Variants in METTL24 observed in about 807,000 individuals in gnomAD.
The protein encoded by METTL24 is probable methyltransferase-like protein 24.
A neutral mutation model predicts 32.7 loss-of-function variants in METTL24; 29 were observed. The ratio of observed to expected loss-of-function variants is 0.89; its 90% CI spans 0.66 to 1.21. METTL24 has a LOEUF of 1.21. Among genes scored for constraint, METTL24 ranks in the 50% most tolerant of loss-of-function variants. The pLI is 0.00. For missense variants in METTL24, 439 were observed against 468.1 expected (o/e 0.94, Z 0.57); for synonymous variants, 163 against 179.5 (o/e 0.91, Z 0.73).
At chr6:110,324,300 G>T (rs1771981910) in intron 1 of METTL24, among the ~76,000 whole-genome samples, 1 of 152,128 alleles carries the variant, frequency 6.6e-6, no homozygotes, top group Non-Finnish European at 1.5e-5. Flanking sequence ...CTACCCTTGT[G>T]GGGGCTGAGC....
At chr6:110,351,549 G>A (rs1238434751) in intron 1 of METTL24, among the ~76,000 whole-genome samples, 3 of 152,176 alleles carry the variant, frequency 2.0e-5, no homozygotes, top group African/African-American at 7.2e-5. Context: ...CCAAGGGTTG[G>A]TTGAAATAAT....
intron 4 of METTL24, among the ~76,000 whole-genome samples, chr6:110,258,554 C>T (rs1426410380): frequency 6.6e-6 from 1 of 151,928 alleles, no homozygotes; most frequent in Non-Finnish European, 1.5e-5. Context: ...TATGGACAAA[C>T]AGACCAGATG....
At chr6:110,259,193 G>C (rs1288574868) in intron 4 of METTL24, among the ~76,000 whole-genome samples, 1 of 152,152 alleles carries the variant, frequency 6.6e-6, no homozygotes, top group East Asian at 1.9e-4. Context: ...GAAGCACAAG[G>C]GGTCAGGGAA....
intron 1 of METTL24, among the ~76,000 whole-genome samples, chr6:110,337,704 T>C (rs1160805603): frequency 3.3e-5 from 5 of 152,210 alleles, no homozygotes; most frequent in Non-Finnish European, 7.3e-5. Context: ...CCTAACATAC[T>C]TTTCCTCCTG....
intron 4 of METTL24, among the ~76,000 whole-genome samples, chr6:110,273,915 GATGCACACATACATTTATAGCAGC>G (rs1196134810): frequency 6.6e-6 from 1 of 151,916 alleles, no homozygotes; most frequent in African/African-American, 2.4e-5. Flanking sequence ...GAAAAAGACA[GATGCACACATACATTTATAGCAGC>G]ACAATTCGCA....
chr6:110,348,221 A>T (rs1772519738), intron 1 of METTL24, among the ~76,000 whole-genome samples: 1 of 152,230 alleles, frequency 6.6e-6, no homozygotes, highest in Admixed American at 6.5e-5. Context: ...AAGTATTAGT[A>T]ACTTTTTTTC....
intron 4 of METTL24, among the ~76,000 whole-genome samples, chr6:110,286,208 C>A (rs1771218013): frequency 6.6e-6 from 1 of 152,246 alleles, no homozygotes. Context: ...TCCTGACCCC[C>A]GTCTTGTTTC....
intron 4 of METTL24, among the ~76,000 whole-genome samples, chr6:110,293,273 G>A (rs1309433791): frequency 1.3e-5 from 2 of 151,966 alleles, no homozygotes; most frequent in African/African-American, 2.4e-5. Flanking sequence ...GTCTTTGAGT[G>A]GCTAAGTTTT....
intron 4 of METTL24, among the ~76,000 whole-genome samples, chr6:110,297,474 G>C (rs1025095077): frequency 3.9e-5 from 6 of 152,114 alleles, no homozygotes; most frequent in Non-Finnish European, 4.4e-5. Context: ...TTTGAAGAGT[G>C]GTGCTGGAGA....
intron 4 of METTL24, among the ~76,000 whole-genome samples, chr6:110,252,290 T>A (rs879409650): frequency 6.6e-6 from 1 of 152,328 alleles, no homozygotes; most frequent in South Asian, 2.1e-4. Flanking sequence ...AAACCCAAGA[T>A]CAACGTGTCA....
chr6:110,315,880 G>A (rs143406862), intron 2 of METTL24, among the ~76,000 whole-genome samples: 173 of 152,280 alleles, frequency 1.1e-3, no homozygotes, highest in African/African-American at 4.0e-3. Flanking sequence ...ACAGAGAACA[G>A]TGCTCACCAT....
intron 2 of METTL24, among the ~76,000 whole-genome samples, chr6:110,321,764 A>C (rs1419313861): frequency 6.6e-6 from 1 of 152,224 alleles, no homozygotes; most frequent in African/African-American, 2.4e-5. Flanking sequence ...GTCTCACTGC[A>C]TTATATGATA....
At chr6:110,339,703 G>T (rs889159011) in intron 1 of METTL24, among the ~76,000 whole-genome samples, 1 of 152,182 alleles carries the variant, frequency 6.6e-6, no homozygotes, top group African/African-American at 2.4e-5. Flanking sequence ...AAAATAGATG[G>T]TCTATGTATA....
At chr6:110,325,994 G>C (rs1036429057) in intron 1 of METTL24, among the ~76,000 whole-genome samples, 2 of 152,200 alleles carry the variant, frequency 1.3e-5, no homozygotes, top group African/African-American at 4.8e-5. Context: ...TCAAAGGCGA[G>C]TTCTCTCTGA....
chr6:110,347,293 C>T (rs1321708387), intron 1 of METTL24, among the ~76,000 whole-genome samples: 1 of 152,190 alleles, frequency 6.6e-6, no homozygotes, highest in Non-Finnish European at 1.5e-5. Flanking sequence ...CCTGACTTCC[C>T]TGTCTGCAAA....
At chr6:110,319,152 C>T (rs1474483384) in intron 2 of METTL24, among the ~76,000 whole-genome samples, 2 of 152,108 alleles carry the variant, frequency 1.3e-5, no homozygotes, top group African/African-American at 4.8e-5. Context: ...AGAATCACTT[C>T]AATGATCTGC....
chr6:110,342,899 T>C (rs1388973978), intron 1 of METTL24, among the ~76,000 whole-genome samples: 1 of 152,248 alleles, frequency 6.6e-6, no homozygotes, highest in Non-Finnish European at 1.5e-5. Context: ...CTTTTTATAG[T>C]TGAGTAAGTT....
At chr6:110,335,071 C>T (rs929306455) in intron 1 of METTL24, among the ~76,000 whole-genome samples, 1 of 152,284 alleles carries the variant, frequency 6.6e-6, no homozygotes. Context: ...CCTCTGGAAC[C>T]AAAAGTATTT....
intron 4 of METTL24, among the ~76,000 whole-genome samples, chr6:110,285,168 A>G (rs1771199435): frequency 6.6e-6 from 1 of 152,238 alleles, no homozygotes; most frequent in Non-Finnish European, 1.5e-5. Flanking sequence ...CTGGGAACAG[A>G]GAGGCTGCTT....
Sources: gnomAD v4.1 joint callset for allele counts (sites outside exome capture counted in the v4.1 genomes callset) on GRCh38, gnomAD v4.1.1 for gene constraint, MANE v1.5 for transcripts, NCBI Gene and HGNC (gene_info 2026-07-23, HGNC 2026-07-21) for gene names.